Variants in FGF12 observed in about 807,000 individuals in gnomAD.
The protein encoded by FGF12 is fibroblast growth factor 12, also known as fibroblast growth factor 12B.
Under a neutral mutation model 23.6 loss-of-function variants are expected in FGF12, and 14 were observed. The ratio of observed to expected loss-of-function variants is 0.59; its 90% CI spans 0.39 to 0.93. The LOEUF is 0.93. Among genes scored for constraint, FGF12 ranks in the 40% least tolerant of loss-of-function variants. The pLI, the probability that FGF12 is intolerant of heterozygous loss-of-function variation, is 0.00. For missense variants in FGF12, 175 were observed against 217.8 expected (o/e 0.80, Z 1.24); for synonymous variants, 62 against 77.3 (o/e 0.80, Z 1.04).
intron 2 of FGF12, among the ~76,000 whole-genome samples, chr3:192,390,685 T>G (rs2108761164): frequency 6.6e-6 from 1 of 152,306 alleles, no homozygotes; most frequent in South Asian, 2.1e-4. Context: ...AAGTCCTCAG[T>G]TAGTACCTGA....
At chr3:192,498,742 G>A (rs1724035154) in intron 2 of FGF12, among the ~76,000 whole-genome samples, 1 of 152,242 alleles carries the variant, frequency 6.6e-6, no homozygotes, top group African/African-American at 2.4e-5. Flanking sequence ...GGATGTTGGA[G>A]TCCATTACCA....
At chr3:192,661,360 A>G (rs1287432957) in intron 2 of FGF12, among the ~76,000 whole-genome samples, 1 of 152,152 alleles carries the variant, frequency 6.6e-6, no homozygotes, top group African/African-American at 2.4e-5. Context: ...CATCTCTACT[A>G]AAAATACAAA....
intron 4 of FGF12, among the ~76,000 whole-genome samples, chr3:192,328,847 C>T (rs193188454): frequency 6.6e-6 from 1 of 152,248 alleles, no homozygotes; most frequent in African/African-American, 2.4e-5. Context: ...GCTCAGTATG[C>T]AGTCTGGTGC....
At chr3:192,501,902 G>T (rs1306707851) in intron 2 of FGF12, among the ~76,000 whole-genome samples, 1 of 152,086 alleles carries the variant, frequency 6.6e-6, no homozygotes, top group Admixed American at 6.6e-5. Flanking sequence ...ACATGACATG[G>T]GTCTTAGTAA....
intron 2 of FGF12, among the ~76,000 whole-genome samples, chr3:192,530,584 C>G (rs1725062097): frequency 6.6e-6 from 1 of 151,994 alleles, no homozygotes; most frequent in African/African-American, 2.4e-5. Flanking sequence ...TAAGAATTGT[C>G]TTTGTTTGAA....
At chr3:192,605,294 T>A (rs1714291055) in intron 2 of FGF12, among the ~76,000 whole-genome samples, 1 of 150,804 alleles carries the variant, frequency 6.6e-6, no homozygotes, top group African/African-American at 2.4e-5. Flanking sequence ...GGCAGGAGAA[T>A]CTCTTGAACC....
intron 2 of FGF12, among the ~76,000 whole-genome samples, chr3:192,660,256 A>T (rs1716602946): frequency 6.6e-6 from 1 of 151,136 alleles, no homozygotes; most frequent in Admixed American, 6.6e-5. Context: ...AAACTATCGC[A>T]AGGACAAAAA....
intron 2 of FGF12, among the ~76,000 whole-genome samples, chr3:192,574,885 G>A (rs1245093633): frequency 1.3e-5 from 2 of 152,190 alleles, no homozygotes; most frequent in Admixed American, 1.3e-4. Flanking sequence ...ACCCAGCTAA[G>A]CCGCTCCCAA....
intron 2 of FGF12, among the ~76,000 whole-genome samples, chr3:192,705,809 G>A (rs1718449592): frequency 6.6e-6 from 1 of 152,024 alleles, no homozygotes; most frequent in Admixed American, 6.5e-5. Flanking sequence ...AATGACACGA[G>A]GCATCCCTGT....
At chr3:192,447,736 C>T (rs1275704343) in intron 2 of FGF12, among the ~76,000 whole-genome samples, 3 of 152,128 alleles carry the variant, frequency 2.0e-5, no homozygotes, top group Admixed American at 6.5e-5. Context: ...TTTTTAAAAA[C>T]TTAAGTTTTA....
Position 192,627,790 on chromosome 3 carries a change from C to G in FGF12, c.13+99391G>C, listed in dbSNP as rs1188045815. Among the ~76,000 whole-genome samples the G allele has an allele frequency of 2.0e-5, 3 of 151,902 alleles. No homozygotes were observed. In the East Asian group the frequency reaches 5.8e-4, roughly 29 times the overall value. ...TTGCAAAACTATTACAGTCTTACTA[C>G]CAAGATATTAACATTTATATAATTC... On this transcript the variant is annotated intron_variant, in intron 2 of 5. Coordinates refer to ENST00000445105, the MANE Select transcript of FGF12 (RefSeq NM_004113.6).
chr3:192,258,027 A>G (rs1712513330), intron 4 of FGF12, among the ~76,000 whole-genome samples: 1 of 152,028 alleles, frequency 6.6e-6, no homozygotes, highest in Non-Finnish European at 1.5e-5. Context: ...AATTTAAAAA[A>G]AAAAAAAAAA....
chr3:192,238,571 A>T (rs549368009), intron 4 of FGF12: 1 of 152,268 alleles, frequency 6.6e-6, no homozygotes, highest in African/African-American at 2.4e-5. Context: ...TGTAATTTTT[A>T]AAGTTTTCTT....
intron 2 of FGF12, among the ~76,000 whole-genome samples, chr3:192,375,395 A>G (rs1258038863): frequency 6.6e-6 from 1 of 152,114 alleles, no homozygotes; most frequent in Non-Finnish European, 1.5e-5. Flanking sequence ...TGGAAATTAC[A>G]GTTCTGTCTC....
At chr3:192,202,274 C>T (rs768274538) in intron 4 of FGF12, among the ~76,000 whole-genome samples, 37 of 152,214 alleles carry the variant, frequency 2.4e-4, no homozygotes, top group Non-Finnish European at 4.1e-4. Context: ...GAGATTGGCC[C>T]GGTAGCTCTA....
Position 192,295,168 on chromosome 3 carries a change from G to A in FGF12, c.228+40193C>T, listed in dbSNP as rs147708362. Among the ~76,000 whole-genome samples, 20 of 152,304 alleles carry A rather than the reference G, an allele frequency of 1.3e-4. No individual in the cohort carries two copies. In the East Asian group the frequency reaches 1.5e-3, roughly 12 times the overall value. ...CTACTCTCTCTGGCTTACAAAAGCC[G>A]ACCTATCTAAGAGAACTGCCTAGAG... On this transcript the variant is annotated intron_variant, in intron 4 of 5. Transcript: ENST00000445105.
intron 3 of FGF12, among the ~76,000 whole-genome samples, chr3:192,343,112 A>G (rs1387707970): frequency 6.6e-6 from 1 of 152,154 alleles, no homozygotes; most frequent in African/African-American, 2.4e-5. Flanking sequence ...GGACAGACTC[A>G]TTGCTTGTAA....
chr3:192,576,781 C>T (rs1414255660), intron 2 of FGF12, among the ~76,000 whole-genome samples: 3 of 152,092 alleles, frequency 2.0e-5, no homozygotes, highest in Non-Finnish European at 4.4e-5. Flanking sequence ...GCACTATTCA[C>T]AATAGCAAAG....
At chr3:192,443,778 A>C (rs1414878269) in intron 2 of FGF12, among the ~76,000 whole-genome samples, 1 of 152,174 alleles carries the variant, frequency 6.6e-6, no homozygotes, top group Non-Finnish European at 1.5e-5. Flanking sequence ...TGCTTCACAC[A>C]AAATAAGCCA....
Sources: allele counts gnomAD v4.1 joint callset (sites outside exome capture counted in the v4.1 genomes callset), GRCh38; gene constraint gnomAD v4.1.1; transcripts MANE v1.5; gene names NCBI Gene and HGNC (gene_info 2026-07-23, HGNC 2026-07-21).